SHISA9: variants seen among roughly 807,000 people sequenced by gnomAD.
SHISA9 encodes protein shisa-9.
SHISA9 carries 13 observed loss-of-function variants against 38.0 expected under a neutral mutation model. The ratio of observed to expected loss-of-function variants is 0.34; its 90% CI spans 0.22 to 0.54. The LOEUF (loss-of-function observed/expected upper bound fraction) is 0.54. SHISA9 is among the 20% of genes least tolerant of loss of function. SHISA9 has a pLI of 0.91. For missense variants in SHISA9, 538 were observed against 575.8 expected, an observed-to-expected ratio of 0.93 and a Z score of 0.67; for synonymous variants, 275 against 242.0, an observed-to-expected ratio of 1.14 and a Z score of -1.27.
chr16:13,091,681 A>G (rs986421992), intron 2 of SHISA9, among the ~76,000 whole-genome samples: 1 of 152,092 alleles, frequency 6.6e-6, no homozygotes, highest in African/African-American at 2.4e-5. Context: ...TACACTGTTT[A>G]TTCTAGTTAG....
chr16:13,121,064 T>A (rs1220963460), intron 2 of SHISA9, among the ~76,000 whole-genome samples: 1 of 151,896 alleles, frequency 6.6e-6, no homozygotes, highest in East Asian at 1.9e-4. Flanking sequence ...GAGGCTGAGG[T>A]GCGAGTATTG....
the SHISA9 span, among the ~76,000 whole-genome samples, chr16:13,316,077 T>C: frequency 6.6e-6 from 1 of 150,826 alleles, no homozygotes; most frequent in Non-Finnish European, 1.5e-5. Flanking sequence ...AGATGAAGGA[T>C]GGCATTTGGA....
chr16:13,259,204 C>A, the SHISA9 span, among the ~76,000 whole-genome samples: 1 of 152,198 alleles, frequency 6.6e-6, no homozygotes, highest in Non-Finnish European at 1.5e-5. Context: ...TCCAGTGGGG[C>A]AGTCAAATTT....
At chr16:12,947,532 C>T (rs2071703401) in intron 2 of SHISA9, among the ~76,000 whole-genome samples, 1 of 152,208 alleles carries the variant, frequency 6.6e-6, no homozygotes, top group Non-Finnish European at 1.5e-5. Flanking sequence ...AAAAGGATAT[C>T]TCAGTCCTCG....
At chr16:13,244,573 C>T (rs1460997200), downstream of SHISA9, among the ~76,000 whole-genome samples, 4 of 152,128 alleles carry the variant, frequency 2.6e-5, no homozygotes, top group Non-Finnish European at 5.9e-5. Context: ...ACATAAAATA[C>T]ACATAGCATA....
At chr16:13,216,568 C>G (rs2051171363) in intron 4 of SHISA9, among the ~76,000 whole-genome samples, 1 of 152,160 alleles carries the variant, frequency 6.6e-6, no homozygotes, top group African/African-American at 2.4e-5. Context: ...GATCTCTTTG[C>G]TCTTAAGGAA....
chr16:13,368,931 G>A, the SHISA9 span, among the ~76,000 whole-genome samples: 4 of 152,074 alleles, frequency 2.6e-5, no homozygotes, highest in Admixed American at 1.3e-4. Context: ...TCCTGGTAAG[G>A]ATGAGACTCC....
chr16:12,988,889 C>A (rs1250571456), intron 2 of SHISA9, among the ~76,000 whole-genome samples: 1 of 152,134 alleles, frequency 6.6e-6, no homozygotes, highest in African/African-American at 2.4e-5. Flanking sequence ...TGAAATTCGC[C>A]TGTTGTAAGT....
chr16:13,402,125 T>C, the SHISA9 span, among the ~76,000 whole-genome samples: 1 of 150,754 alleles, frequency 6.6e-6, no homozygotes. Flanking sequence ...ATGAAATCAA[T>C]AGGATATACA....
At chr16:13,373,614 C>A in the SHISA9 span, among the ~76,000 whole-genome samples, 1 of 152,002 alleles carries the variant, frequency 6.6e-6, no homozygotes, top group Non-Finnish European at 1.5e-5. Flanking sequence ...TACAAAAAAT[C>A]AGCCGGGCAT....
intron 2 of SHISA9, among the ~76,000 whole-genome samples, chr16:13,008,893 A>G (rs2072635215): frequency 6.6e-6 from 1 of 152,056 alleles, no homozygotes; most frequent in South Asian, 2.1e-4. Context: ...TTGATGACTG[A>G]CTGAGTGTAA....
chr16:13,067,169 G>A (rs1398803758), intron 2 of SHISA9, among the ~76,000 whole-genome samples: 2 of 152,204 alleles, frequency 1.3e-5, no homozygotes, highest in Non-Finnish European at 2.9e-5. Context: ...GCTTGACTTA[G>A]CTTACACTTA....
Position 12,961,958 on chromosome 16 carries a change from G to A in SHISA9, c.691+45143G>A, listed in dbSNP as rs375533389. ...GAGAACCAAGTGGCCAGAACCTCGGGCCTGGTAAGAATAATTAAAATGGGA... is the reference window on the plus strand; with the variant it reads ...GAGAACCAAGTGGCCAGAACCTCGGACCTGGTAAGAATAATTAAAATGGGA... On this transcript the variant is annotated intron_variant, in intron 2 of 4. Transcript: ENST00000558583. 2.0e-4 allele frequency among the ~76,000 whole-genome samples: 31 copies of A among 152,280 alleles called. No individual in the cohort carries two copies. The East Asian group carries it at 5.4e-3, about 27-fold the overall frequency.
the SHISA9 span, among the ~76,000 whole-genome samples, chr16:13,261,306 G>A: frequency 6.6e-6 from 1 of 152,150 alleles, no homozygotes; most frequent in Non-Finnish European, 1.5e-5. Flanking sequence ...TAGGTTTATA[G>A]ATGATAATGA....
chr16:13,352,820 T>C, the SHISA9 span, among the ~76,000 whole-genome samples: 3 of 151,346 alleles, frequency 2.0e-5, no homozygotes, highest in Admixed American at 2.0e-4. Flanking sequence ...GGGGGAGCTT[T>C]TTGAGCCAGG....
rs555885041 is a variant in SHISA9, at chr16:13,100,948, G to A, written c.692-102446G>A. ...TGACCTCAGGTGATCTGCCCACCTC[G>A]GTCTCCCGAAGTGCTGGGATTACAG... On this transcript the variant is annotated intron_variant, in intron 2 of 4. Transcript: ENST00000558583. Among the ~76,000 whole-genome samples the A allele has an allele frequency of 8.5e-5, 13 of 152,200 alleles. No homozygotes were observed. In the East Asian group the frequency reaches 1.4e-3, roughly 16 times the overall value.
chr16:13,541,778 T>C, the SHISA9 span, among the ~76,000 whole-genome samples: 2 of 152,182 alleles, frequency 1.3e-5, no homozygotes, highest in Admixed American at 1.3e-4. Context: ...GTATGATTCA[T>C]GGGAACTCAT....
At chr16:13,549,026 GC>G in the SHISA9 span, among the ~76,000 whole-genome samples, 1 of 152,100 alleles carries the variant, frequency 6.6e-6, no homozygotes, top group Admixed American at 6.6e-5. Flanking sequence ...ATACTATTTG[GC>G]CACATAAAAA....
At chr16:13,334,402 C>T in the SHISA9 span, among the ~76,000 whole-genome samples, 3 of 152,188 alleles carry the variant, frequency 2.0e-5, no homozygotes, top group Admixed American at 6.5e-5. Context: ...GAGGGTTCTT[C>T]TGTCTCCGAG....
Sources: allele counts gnomAD v4.1 joint callset (sites outside exome capture counted in the v4.1 genomes callset), GRCh38; gene constraint gnomAD v4.1.1; transcripts MANE v1.5; gene names NCBI Gene and HGNC (gene_info 2026-07-23, HGNC 2026-07-21).